Variants in IMPG1 observed in about 807,000 individuals in gnomAD.
IMPG1 encodes interphotoreceptor matrix proteoglycan 1, also known as interphotoreceptor matrix proteoglycan of 150 kDa.
Under a neutral mutation model 92.0 loss-of-function variants are expected in IMPG1, and 85 were observed. The ratio of observed to expected loss-of-function variants is 0.92; its 90% CI spans 0.78 to 1.11. The LOEUF (loss-of-function observed/expected upper bound fraction) is 1.11, where lower values mean the gene tolerates loss of function less well. IMPG1 is among the 50% of genes least tolerant of loss of function. IMPG1 has a pLI of 0.00. For missense variants in IMPG1, 1,022 were observed against 956.0 expected, an observed-to-expected ratio of 1.07 and a Z score of -0.91; for synonymous variants, 367 against 334.1, an observed-to-expected ratio of 1.10 and a Z score of -1.08.
chr6:76,029,312 C>T (rs1783612393), intron 4 of IMPG1, among the ~76,000 whole-genome samples: 1 of 152,230 alleles, frequency 6.6e-6, no homozygotes, highest in Non-Finnish European at 1.5e-5. Context: ...GTGGAACAGA[C>T]TTCCATCAAA....
intron 12 of IMPG1, among the ~76,000 whole-genome samples, chr6:75,985,037 T>G (rs1436412731): frequency 6.6e-6 from 1 of 152,250 alleles, no homozygotes; most frequent in African/African-American, 2.4e-5. Flanking sequence ...TATTTCTTTA[T>G]AGTAATGCAA....
chr6:75,934,943 C>T (rs769169549), intron 14 of IMPG1: 28 of 471,498 alleles, frequency 5.9e-5, no homozygotes, highest in Admixed American at 1.9e-4. Context: ...GAAAGTGATA[C>T]ATCTCCTTTG....
In IMPG1 at chr6:75,938,365, C is replaced by A. The variant is rs181859199; in HGVS notation, c.2045-7214G>T. ...GTTGTGGAATAATGTTATCTCTCTC[C>A]CAGTATTGTGACCACAAACTGCTTT... On this transcript the variant is annotated intron_variant, in intron 14 of 16. Transcript: ENST00000369950. 1.2e-4 allele frequency among the ~76,000 whole-genome samples: 19 copies of A among 152,254 alleles called. No homozygotes were observed. The East Asian group carries it at 3.3e-3, about 26-fold the overall frequency.
At chr6:76,045,508 C>T (rs1306472234) in intron 1 of IMPG1, among the ~76,000 whole-genome samples, 2 of 142,854 alleles carry the variant, frequency 1.4e-5, no homozygotes, top group African/African-American at 2.6e-5. Flanking sequence ...TTCTGTGACA[C>T]AAAACCAACC....
At chr6:76,037,636 T>G (rs1469378579) in intron 2 of IMPG1, among the ~76,000 whole-genome samples, 1 of 152,208 alleles carries the variant, frequency 6.6e-6, no homozygotes, top group Non-Finnish European at 1.5e-5. Flanking sequence ...CAGTTGTATG[T>G]CCAGTCTAAG....
chr6:75,939,337 T>G (rs933280926), intron 14 of IMPG1, among the ~76,000 whole-genome samples: 5 of 152,290 alleles, frequency 3.3e-5, no homozygotes, highest in Admixed American at 6.5e-5. Context: ...CTCCTAATGC[T>G]ATCCCTCCCT....
At chr6:76,071,724 A>G (rs1034475112) in intron 1 of IMPG1, among the ~76,000 whole-genome samples, 1 of 152,156 alleles carries the variant, frequency 6.6e-6, no homozygotes, top group Admixed American at 6.6e-5. Context: ...TGAGTATATT[A>G]TGATAGGTAG....
rs1783081678 is a variant in IMPG1, at chr6:76,005,533, A to T, written c.889T>A (p.Ser297Thr). Residue 297 changes from serine to threonine, a missense_variant and splice_region_variant, in exon 10 of 17, where the codon TCA becomes ACA. Coordinates refer to ENST00000369950, the MANE Select transcript of IMPG1 (RefSeq NM_001563.4). ...GTAAGTTGCATCTCTGTGGAGCTTG[A>T]GCTGTAGATAGCAGAGGACACATTC... ...GFRPKKEKDG[S>T]SSTEMQLTAI... 1 of 1,613,612 alleles carries T rather than the reference A, an allele frequency of 6.2e-7. No homozygotes were observed. The highest frequency in any genetic ancestry group is 8.5e-7 in the Non-Finnish European group (1 of 1,179,786).
chr6:76,043,045 G>A (rs1001784850), intron 1 of IMPG1, among the ~76,000 whole-genome samples: 3 of 152,128 alleles, frequency 2.0e-5, no homozygotes, highest in African/African-American at 7.2e-5. Context: ...TAAGATCTAA[G>A]TTACATATAA....
At chr6:75,939,114 C>T (rs1781797138) in intron 14 of IMPG1, among the ~76,000 whole-genome samples, 1 of 152,240 alleles carries the variant, frequency 6.6e-6, no homozygotes, top group Admixed American at 6.5e-5. Flanking sequence ...GCTGGGATTA[C>T]AGGCGTGAGC....
At chr6:76,013,796 T>A (rs1235454071) in intron 7 of IMPG1, among the ~76,000 whole-genome samples, 2 of 152,230 alleles carry the variant, frequency 1.3e-5, no homozygotes, top group Admixed American at 6.5e-5. Context: ...CATCAAAAAT[T>A]ACTGCCAACT....
chr6:76,066,326 A>C (rs1400242329), intron 1 of IMPG1, among the ~76,000 whole-genome samples: 1 of 152,096 alleles, frequency 6.6e-6, no homozygotes, highest in South Asian at 2.1e-4. Context: ...CTTATAAAAA[A>C]CTTGGTAAAA....
At chr6:75,983,550 T>C (rs1298899504) in intron 12 of IMPG1, among the ~76,000 whole-genome samples, 1 of 152,108 alleles carries the variant, frequency 6.6e-6, no homozygotes, top group Non-Finnish European at 1.5e-5. Flanking sequence ...TAGACCCTCA[T>C]CTCACACCAT....
chr6:75,998,448 G>A (rs904300476), intron 12 of IMPG1, among the ~76,000 whole-genome samples: 4 of 152,172 alleles, frequency 2.6e-5, no homozygotes, highest in African/African-American at 9.6e-5. Context: ...AGGCTGAGAT[G>A]AGACAAAGAA....
intron 1 of IMPG1, among the ~76,000 whole-genome samples, chr6:76,067,727 C>T (rs187855924): frequency 8.6e-5 from 13 of 151,908 alleles, no homozygotes; most frequent in African/African-American, 2.2e-4. Flanking sequence ...CAGGCAAGGA[C>T]GCAACAAAAA....
intron 15 of IMPG1, among the ~76,000 whole-genome samples, chr6:75,924,769 A>G (rs1352694228): frequency 1.0e-5 from 1 of 98,704 alleles, no homozygotes; most frequent in Non-Finnish European, 2.0e-5. Flanking sequence ...ATAATTATAT[A>G]TAATATATAT....
chr6:76,000,042 A>G (rs1782962422), intron 12 of IMPG1, among the ~76,000 whole-genome samples: 1 of 152,190 alleles, frequency 6.6e-6, no homozygotes, highest in Non-Finnish European at 1.5e-5. Flanking sequence ...TATAACCGAG[A>G]CTGTCCTCCT....
At chr6:75,963,913 T>G (rs62414854) in intron 12 of IMPG1, among the ~76,000 whole-genome samples, 24,985 of 152,190 alleles carry the variant, frequency 0.16, 2,478 homozygotes, top group Admixed American at 0.23. Context: ...CTAAAATGGT[T>G]ACCTGGGGAA....
At position 75,924,715 on chromosome 6, in the gene IMPG1, TA is replaced by T. The variant is rs1562335338; in HGVS notation, c.2244-1010del. On this transcript the variant is annotated intron_variant, in intron 15 of 16. Transcript: ENST00000369950. ...ATAAATAATTATATATAATATATAA[TA>T]TATAATATAATTATATATAATATAT... is the stretch of plus-strand genomic sequence containing the variant. 4.0e-3 allele frequency among the ~76,000 whole-genome samples: 112 copies of T among 28,170 alleles called. 18 individuals are homozygous for T. The highest frequency in any genetic ancestry group is 7.7e-3 in the East Asian group (3 of 388). The allele number at this position is 28,170 out of a possible 152,430, so 18.5% of individuals were successfully genotyped here. A position where few individuals can be genotyped will look rare whatever the true frequency, so the allele number is the denominator to read the frequency against.
Sources: gnomAD v4.1 joint callset for allele counts (sites outside exome capture counted in the v4.1 genomes callset) on GRCh38, gnomAD v4.1.1 for gene constraint, MANE v1.5 for transcripts, NCBI Gene and HGNC (gene_info 2026-07-23, HGNC 2026-07-21) for gene names.